Variants in ABCC4 observed in about 807,000 individuals in gnomAD.
ABCC4 encodes ATP binding cassette subfamily C member 4 (PEL blood group).
In ABCC4, 102 loss-of-function variants were observed where a neutral mutation model predicts 168.5. The ratio of observed to expected loss-of-function variants is 0.61; its 90% CI spans 0.52 to 0.71. ABCC4 has a LOEUF of 0.71. ABCC4 is among the 30% of genes least tolerant of loss of function. ABCC4 has a pLI of 0.00. For synonymous variants in ABCC4, 617 were observed against 590.7 expected (o/e 1.04, Z -0.65); for missense variants, 1,402 against 1,605.8 (o/e 0.87, Z 2.17).
chr13:95,206,130 G>C (rs182939596), intron 8 of ABCC4, among the ~76,000 whole-genome samples: 1 of 152,230 alleles, frequency 6.6e-6, no homozygotes, highest in East Asian at 1.9e-4. Flanking sequence ...AAGAAGCAGA[G>C]ACCCCCAGCA....
intron 9 of ABCC4, among the ~76,000 whole-genome samples, chr13:95,191,872 C>T (rs17189390): frequency 0.082 from 12,490 of 152,272 alleles, 531 homozygotes; most frequent in East Asian, 0.11. Context: ...GGCCCTGGTT[C>T]TTAGAGCAGG....
In ABCC4 at chr13:95,301,399, G is replaced by C. The variant is rs943799582; in HGVS notation, c.-85C>G. ...GCTCCGCTCCTGGACCTCAAGCAGGGATGCTGGGGCTCCGGCCGCCACGCC... is the reference window on the plus strand; with the variant it reads ...GCTCCGCTCCTGGACCTCAAGCAGGCATGCTGGGGCTCCGGCCGCCACGCC... On this transcript the variant is annotated 5_prime_UTR_variant, in exon 1 of 31. It adds an upstream start codon to the 5' untranslated region. Coordinates refer to ENST00000645237, the MANE Select transcript of ABCC4 (RefSeq NM_005845.5). 8.1e-7 allele frequency: 1 copy of C among 1,238,966 alleles called. No homozygotes were observed. Among genetic ancestry groups the C allele is most frequent in the African/African-American group, 1.6e-5 (1 of 63,442 alleles). The allele number at this position is 1,238,966 out of a possible 1,614,324, so 76.7% of individuals were successfully genotyped here.
chr13:95,066,411 C>T (rs1751036), intron 25 of ABCC4, among the ~76,000 whole-genome samples: 142,201 of 152,264 alleles, frequency 0.93, 66,513 homozygotes, highest in Non-Finnish European at 0.95. Flanking sequence ...TACTAGGCGA[C>T]AGGTGCTGTG....
chr13:95,238,423 G>A (rs545626126), intron 3 of ABCC4, among the ~76,000 whole-genome samples: 1 of 152,148 alleles, frequency 6.6e-6, no homozygotes, highest in East Asian at 1.9e-4. Context: ...CACATTTAGG[G>A]CCAATTGATC....
chr13:95,037,397 A>G (rs2032168504), intron 29 of ABCC4, among the ~76,000 whole-genome samples: 1 of 152,238 alleles, frequency 6.6e-6, no homozygotes. Flanking sequence ...CATTCATCCA[A>G]TATTGAGTGA....
intron 14 of ABCC4, 101 bp from the exon 15 acceptor site, chr13:95,166,468 A>G (rs571914878): frequency 9.9e-7 from 1 of 1,014,758 alleles, no homozygotes; most frequent in African/African-American, 1.6e-5. Flanking sequence ...TTAAGTTATG[A>G]TTATACTTAG....
intron 9 of ABCC4, among the ~76,000 whole-genome samples, chr13:95,190,082 T>C (rs548605325): frequency 3.9e-5 from 6 of 152,144 alleles, no homozygotes; most frequent in African/African-American, 1.2e-4. Context: ...GACTGGTTCA[T>C]GCCTGTAATC....
intron 29 of ABCC4, among the ~76,000 whole-genome samples, chr13:95,042,768 C>G (rs2032414535): frequency 6.6e-6 from 1 of 152,196 alleles, no homozygotes; most frequent in African/African-American, 2.4e-5. Context: ...CTGCCAAGTT[C>G]TGTCCTTGCT....
At chr13:95,091,312 T>C (rs970318245) in intron 20 of ABCC4, among the ~76,000 whole-genome samples, 3 of 152,164 alleles carry the variant, frequency 2.0e-5, no homozygotes, top group Admixed American at 6.6e-5. Context: ...GGGAAATTCA[T>C]TGAAAAAAAT....
chr13:95,258,524 C>T (rs942807475), intron 1 of ABCC4, among the ~76,000 whole-genome samples: 1 of 152,176 alleles, frequency 6.6e-6, no homozygotes, highest in Non-Finnish European at 1.5e-5. Flanking sequence ...ACTTTCTTTA[C>T]CCATTTACTA....
chr13:95,231,365 A>G (rs1380988209), intron 4 of ABCC4, among the ~76,000 whole-genome samples: 3 of 152,254 alleles, frequency 2.0e-5, no homozygotes, highest in Non-Finnish European at 4.4e-5. Context: ...AAGCTGTGAA[A>G]AAGTAAATAA....
chr13:95,033,924 G>C (rs534989954), intron 30 of ABCC4, among the ~76,000 whole-genome samples: 32 of 152,254 alleles, frequency 2.1e-4, no homozygotes, highest in African/African-American at 7.5e-4. Context: ...GCCTCCCAAA[G>C]TGCTGGGATT....
intron 20 of ABCC4, among the ~76,000 whole-genome samples, chr13:95,096,938 C>A (rs2034619486): frequency 6.6e-6 from 1 of 152,094 alleles, no homozygotes; most frequent in Admixed American, 6.5e-5. Flanking sequence ...TACATGCATA[C>A]ATATGTATAA....
intron 20 of ABCC4, among the ~76,000 whole-genome samples, chr13:95,101,870 G>C (rs1235504110): frequency 6.6e-6 from 1 of 152,090 alleles, no homozygotes; most frequent in South Asian, 2.1e-4. Context: ...TCATTGTCAG[G>C]CTATTTCTCC....
chr13:95,026,891 A>G (rs1242127744), intron 30 of ABCC4, among the ~76,000 whole-genome samples: 1 of 149,070 alleles, frequency 6.7e-6, no homozygotes, highest in East Asian at 1.9e-4. Flanking sequence ...CCTGTCTCAA[A>G]AAAAAAAAAG....
intron 1 of ABCC4, among the ~76,000 whole-genome samples, chr13:95,263,031 T>C (rs1411683879): frequency 6.6e-6 from 1 of 152,154 alleles, no homozygotes; most frequent in African/African-American, 2.4e-5. Context: ...GGGACTTTTG[T>C]GGGTGACTTC....
chr13:95,154,392 G>A (rs2036791137), intron 19 of ABCC4, among the ~76,000 whole-genome samples: 1 of 152,218 alleles, frequency 6.6e-6, no homozygotes. Flanking sequence ...CATGAAAGCT[G>A]TCAGGACGGT....
rs150675383 is a variant in ABCC4 at position 95,232,428 on chromosome 13, C to T, written c.531+2182G>A. On this transcript the variant is annotated intron_variant, in intron 4 of 30. Transcript: ENST00000645237. ...GTGCGGTGGCTCCCACCTGTAATCC[C>T]AGCACTTTGGGAGGCCGAGACGGGC... Among the ~76,000 whole-genome samples the T allele has an allele frequency of 8.1e-3, 1,226 of 152,162 alleles. 7 individuals carry two copies. Among genetic ancestry groups the T allele is most frequent in the Non-Finnish European group, 0.014 (964 of 68,002 alleles).
At chr13:95,272,814 G>A (rs947786470) in intron 1 of ABCC4, among the ~76,000 whole-genome samples, 1 of 152,148 alleles carries the variant, frequency 6.6e-6, no homozygotes, top group Admixed American at 6.5e-5. Context: ...CTTGAACCCG[G>A]GAGGCAGAGG....
Sources: gnomAD v4.1 joint callset for allele counts (sites outside exome capture counted in the v4.1 genomes callset) on GRCh38, gnomAD v4.1.1 for gene constraint, MANE v1.5 for transcripts, NCBI Gene and HGNC (gene_info 2026-07-23, HGNC 2026-07-21) for gene names.